The following TMEM168 variants were observed in gnomAD, a reference collection of about 807,000 sequenced individuals.
The protein encoded by TMEM168 is transmembrane protein 168.
Under a neutral mutation model 53.2 loss-of-function variants are expected in TMEM168, and 40 were observed. The observed-to-expected ratio is 0.75, with a 90% CI of 0.58 to 0.98. TMEM168 has a LOEUF of 0.98. Ranked by LOEUF, TMEM168 falls within the 50% of genes least tolerant of loss-of-function variation. The pLI is 0.00. For synonymous variants in TMEM168, 282 were observed against 293.0 expected, an observed-to-expected ratio of 0.96 and a Z score of 0.38; for missense variants, 771 against 828.8, an observed-to-expected ratio of 0.93 and a Z score of 0.86.
chr7:112,764,528 GTC>G lies in TMEM168; in HGVS notation c.*2667_*2668del, dbSNP rs575630803. On this transcript the variant is annotated 3_prime_UTR_variant, in exon 5 of 5. Coordinates refer to ENST00000312814, the MANE Select transcript of TMEM168 (RefSeq NM_022484.6). ...TGTTTCTTTTTTTTTTTGAGATGGAGTCTCTCTCTGTTGCCAGGCTGGAGTGC... is the reference window on the plus strand; with the variant it reads ...TGTTTCTTTTTTTTTTTGAGATGGAGTCTCTCTGTTGCCAGGCTGGAGTGC... The G allele has an allele frequency of 1.3e-5, 2 of 149,248 alleles. No individual in the cohort carries two copies. Among genetic ancestry groups the G allele is most frequent in the African/African-American group, 2.5e-5 (1 of 39,996 alleles). The allele number at this position is 149,248 out of a possible 1,614,324, so 9.2% of individuals were successfully genotyped here.
Position 112,783,819 on chromosome 7 carries a change from T to C in TMEM168, c.1007A>G (p.Asp336Gly), listed in dbSNP as rs141807352. 14 of 1,607,764 alleles carry C rather than the reference T, an allele frequency of 8.7e-6. No homozygotes were observed. In the African/African-American group the frequency reaches 1.3e-4, roughly 15 times the overall value. Residue 336 changes from aspartate to glycine, a missense_variant, in exon 2 of 5, where the codon GAT (aspartate) becomes GGT (glycine). Coordinates refer to ENST00000312814, the MANE Select transcript of TMEM168 (RefSeq NM_022484.6). Reference protein sequence around the residue: ...CHKVYFTHRTDYNSLDRIMAS... With the variant: ...CHKVYFTHRTGYNSLDRIMAS... The stretch of plus-strand genomic sequence containing the variant: ...CATGATTCTATCAAGGCTATTGTAA[T>C]CTGTCCTGTGAGTAAAATATACTTT...
At position 112,762,720 on chromosome 7, in the gene TMEM168, A is replaced by C. The variant is rs924246341; in HGVS notation, c.*4477T>G. 2.6e-5 allele frequency: 4 copies of C among 152,080 alleles called. No homozygotes were observed. Among genetic ancestry groups the C allele is most frequent in the Non-Finnish European group, 5.9e-5 (4 of 67,938 alleles). The allele number at this position is 152,080 out of a possible 1,614,324, so 9.4% of individuals were successfully genotyped here. On this transcript the variant is annotated 3_prime_UTR_variant, in exon 5 of 5. Coordinates refer to ENST00000312814, the MANE Select transcript of TMEM168 (RefSeq NM_022484.6). ...GCAAAAAACCTTACGGGTAGCCCAC[A>C]GTTTTCAATTTTCAGTCAACTTTGG...
At chr7:112,769,623 A>T (rs1792879861) in intron 4 of TMEM168, among the ~76,000 whole-genome samples, 1 of 152,160 alleles carries the variant, frequency 6.6e-6, no homozygotes, top group East Asian at 1.9e-4. Context: ...TTCTCCTATG[A>T]ATAGGTTCTA....
At chr7:112,782,956 T>C (rs116051251) in intron 2 of TMEM168, among the ~76,000 whole-genome samples, 2,153 of 152,322 alleles carry the variant, frequency 0.014, 45 homozygotes, top group African/African-American at 0.05. Context: ...TGTGCCACCT[T>C]TGACAGACAT....
At position 112,767,597 on chromosome 7, in the gene TMEM168, G is replaced by C; in HGVS notation, c.1694C>G (p.Ala565Gly). ...EVRKINDQYI[A>G]VQGAELIKTV... The stretch of plus-strand genomic sequence containing the variant: ...TTTTATCAACTCTGCTCCTTGCACT[G>C]CAATATACTGGTCATTAATTTTCCT... The change falls in exon 5 of 5, where the codon GCA becomes GGA. Residue 565 changes from alanine (A) to glycine (G), a missense_variant. By Grantham distance (60) the Ala-to-Gly change is moderately conservative. Coordinates refer to ENST00000312814, the MANE Select transcript of TMEM168 (RefSeq NM_022484.6). 1 of 1,614,098 alleles carries C rather than the reference G, an allele frequency of 6.2e-7. No homozygotes were observed. The highest frequency in any genetic ancestry group is 8.5e-7 in the Non-Finnish European group (1 of 1,180,000).
In TMEM168 at chr7:112,765,584, C is replaced by CTAT. The variant is rs1792755145; in HGVS notation, c.*1610_*1612dup. On this transcript the variant is annotated 3_prime_UTR_variant, in exon 5 of 5. Coordinates refer to ENST00000312814, the MANE Select transcript of TMEM168 (RefSeq NM_022484.6). ...GAACAGAGCAATAAAAAAAACTATA[C>CTAT]TATTTTATTTGGACAATACTAATAT... is the stretch of plus-strand genomic sequence containing the variant. 6.6e-6 allele frequency: 1 copy of CTAT among 151,994 alleles called. No individual in the cohort carries two copies. Among genetic ancestry groups the CTAT allele is most frequent in the Non-Finnish European group, 1.5e-5 (1 of 67,982 alleles). 9.4% of individuals were successfully genotyped at this position (151,994 alleles called of 1,614,324 possible).
Position 112,767,615 on chromosome 7 carries a change from ATT to A in TMEM168, c.1674_1675del (p.Lys558AsnfsTer2). ...TTGCACTGCAATATACTGGTCATTAATTTTCCTCACTTCTTTCACCCAAGGGG... is the reference window on the plus strand; with the variant it reads ...TTGCACTGCAATATACTGGTCATTAATTCCTCACTTCTTTCACCCAAGGGG... On this transcript the variant is annotated frameshift_variant, in exon 5 of 5. Transcript: ENST00000312814. LOFTEE classifies it high-confidence loss of function. 6.2e-7 allele frequency: 1 copy of A among 1,614,036 alleles called. No homozygotes were observed. The highest frequency in any genetic ancestry group is 8.5e-7 in the Non-Finnish European group (1 of 1,179,984).
chr7:112,767,845 T>TA, intron 4 of TMEM168, 101 bp from the exon 5 acceptor site: 1 of 1,034,210 alleles, frequency 9.7e-7, no homozygotes, highest in Non-Finnish European at 1.4e-6. Context: ...ACTCTTGTTA[T>TA]ACATGTATTT....
rs990017431 is a variant in TMEM168 at position 112,763,373 on chromosome 7, CCTT to C, written c.*3821_*3823del. 30 of 152,060 alleles carry C rather than the reference CCTT, an allele frequency of 2.0e-4. No homozygotes were observed. The highest frequency in any genetic ancestry group is 7.2e-4 in the African/African-American group (30 of 41,510). 9.4% of individuals were successfully genotyped at this position (152,060 alleles called of 1,614,324 possible). On this transcript the variant is annotated 3_prime_UTR_variant, in exon 5 of 5. Coordinates refer to ENST00000312814, the MANE Select transcript of TMEM168 (RefSeq NM_022484.6). ...TTACAATCAAGTTATTCCAATTTCT[CCTT>C]AGGATTCTAGATTTATTCACTCAGT...
chr7:112,786,610 T>A (rs77365227), intron 1 of TMEM168, among the ~76,000 whole-genome samples: 2 of 151,562 alleles, frequency 1.3e-5, no homozygotes, highest in East Asian at 1.9e-4. Context: ...TTTTTTTTTT[T>A]AAACATCACT....
intron 3 of TMEM168, among the ~76,000 whole-genome samples, chr7:112,774,328 TG>T (rs1793011228): frequency 6.6e-6 from 1 of 151,714 alleles, no homozygotes; most frequent in Non-Finnish European, 1.5e-5. Flanking sequence ...AGTATTTGTA[TG>T]GCATTTTTCA....
At chr7:112,776,284 A>C (rs1793081221) in intron 2 of TMEM168, among the ~76,000 whole-genome samples, 1 of 152,074 alleles carries the variant, frequency 6.6e-6, no homozygotes, top group Admixed American at 6.5e-5. Flanking sequence ...CAGAATGGAA[A>C]GTAGACAGGC....
In TMEM168 at chr7:112,762,965, A is replaced by G. The variant is rs1385924817; in HGVS notation, c.*4232T>C. 1 of 151,988 alleles carries G rather than the reference A, an allele frequency of 6.6e-6. No homozygotes were observed. The highest frequency in any genetic ancestry group is 6.6e-5 in the Admixed American group (1 of 15,258). The allele number at this position is 151,988 out of a possible 1,614,324, so 9.4% of individuals were successfully genotyped here. On this transcript the variant is annotated 3_prime_UTR_variant, in exon 5 of 5. Transcript: ENST00000312814. ...ATAGGCCTATTTTACTGACCTTCCA[A>G]TTTAGTTGTCACTGATATGCATAGT...
chr7:112,774,195 A>AC (rs2116249067), intron 3 of TMEM168, among the ~76,000 whole-genome samples: 1 of 152,306 alleles, frequency 6.6e-6, no homozygotes, highest in East Asian at 1.9e-4. Flanking sequence ...ATAAAATAAA[A>AC]ATCAAAATGT....
chr7:112,764,054 G>T lies in TMEM168; in HGVS notation c.*3143C>A, dbSNP rs1224858166. On this transcript the variant is annotated 3_prime_UTR_variant, in exon 5 of 5. Transcript: ENST00000312814. ...AACTGAAAAGTCATGGGGAGAGAAA[G>T]AACTTGGCTCCTTATTTATTTTGCA... is the stretch of plus-strand genomic sequence containing the variant. The T allele has an allele frequency of 6.6e-6, 1 of 151,942 alleles. No homozygotes were observed. The highest frequency in any genetic ancestry group is 2.1e-4 in the South Asian group (1 of 4,810). 9.4% of individuals were successfully genotyped at this position (151,942 alleles called of 1,614,324 possible). A position where few individuals can be genotyped will look rare whatever the true frequency, so the allele number is the denominator to read the frequency against.
intron 4 of TMEM168, among the ~76,000 whole-genome samples, chr7:112,768,211 T>G (rs751092770): frequency 1.3e-5 from 2 of 152,244 alleles, no homozygotes; most frequent in Non-Finnish European, 2.9e-5. Context: ...TAGTAAAAAC[T>G]GTATGCAATT....
chr7:112,774,762 G>T lies in TMEM168; in HGVS notation c.1271+414C>A, dbSNP rs1002093047. Among the ~76,000 whole-genome samples the T allele has an allele frequency of 2.6e-5, 4 of 151,998 alleles. No individual in the cohort carries two copies. The East Asian group carries it at 5.8e-4, about 22-fold the overall frequency. ...CACCTGGCTAATTTTTGTATTTTCA[G>T]TAGAGATGGGGTTTCACCATGTTGG... On this transcript the variant is annotated intron_variant, in intron 3 of 4. Coordinates refer to ENST00000312814, the MANE Select transcript of TMEM168 (RefSeq NM_022484.6).
intron 2 of TMEM168, among the ~76,000 whole-genome samples, chr7:112,780,141 C>A (rs377317696): frequency 6.6e-6 from 1 of 152,142 alleles, no homozygotes; most frequent in Admixed American, 6.6e-5. Context: ...ACCCAAGCTT[C>A]GGAGTTAGAC....
intron 2 of TMEM168, among the ~76,000 whole-genome samples, chr7:112,782,343 G>C (rs1793253653): frequency 6.6e-6 from 1 of 152,124 alleles, no homozygotes; most frequent in African/African-American, 2.4e-5. Context: ...GTAAGAAAAA[G>C]TTTGGAGACC....
Sources: gnomAD v4.1 joint callset for allele counts (sites outside exome capture counted in the v4.1 genomes callset) on GRCh38, gnomAD v4.1.1 for gene constraint, MANE v1.5 for transcripts, NCBI Gene and HGNC (gene_info 2026-07-23, HGNC 2026-07-21) for gene names.